The following DCDC1 variants were observed in gnomAD, a reference collection of about 807,000 sequenced individuals.
DCDC1 encodes doublecortin domain containing 1.
Under a neutral mutation model 178.3 loss-of-function variants are expected in DCDC1, and 200 were observed. The observed-to-expected ratio is 1.12, with a 90% CI of 1.00 to 1.26. The LOEUF (loss-of-function observed/expected upper bound fraction) is 1.26. Among genes scored for constraint, DCDC1 ranks in the 50% most tolerant of loss-of-function variants. The pLI, the probability that DCDC1 is intolerant of heterozygous loss-of-function variation, is 0.00. For missense variants in DCDC1, 1,983 were observed against 1,749.2 expected (o/e 1.13, Z -2.38); for synonymous variants, 690 against 604.8 (o/e 1.14, Z -2.07).
At chr11:31,173,030 A>G (rs1390332111) in intron 9 of DCDC1, among the ~76,000 whole-genome samples, 3 of 152,242 alleles carry the variant, frequency 2.0e-5, no homozygotes, top group East Asian at 1.9e-4. Context: ...GAAGGAATCA[A>G]TACAACTACT....
intron 18 of DCDC1, 77 bp downstream of exon 18, chr11:31,077,788 C>T: frequency 1.4e-6 from 1 of 714,176 alleles, no homozygotes; most frequent in Non-Finnish European, 2.5e-6. Flanking sequence ...TTGCTCTAAA[C>T]AATAGATAGT....
At chr11:31,353,020 AGTGTGC>A (rs1184945536) in intron 1 of DCDC1, among the ~76,000 whole-genome samples, 3 of 152,220 alleles carry the variant, frequency 2.0e-5, no homozygotes, top group Non-Finnish European at 4.4e-5. Flanking sequence ...CACATATACA[AGTGTGC>A]ACAAACACAC....
chr11:30,866,077 C>T (rs914849966), intron 38 of DCDC1, among the ~76,000 whole-genome samples: 1 of 152,096 alleles, frequency 6.6e-6, no homozygotes, highest in African/African-American at 2.4e-5. Flanking sequence ...GGCCCCTAAT[C>T]CAGTATCACT....
chr11:31,300,474 A>C (rs2137529363), intron 6 of DCDC1, among the ~76,000 whole-genome samples: 1 of 152,272 alleles, frequency 6.6e-6, no homozygotes, highest in Non-Finnish European at 1.5e-5. Context: ...ATAGGCATTT[A>C]AAGTATTACT....
intron 9 of DCDC1, among the ~76,000 whole-genome samples, chr11:31,235,922 C>A (rs960668532): frequency 1.3e-5 from 2 of 151,822 alleles, no homozygotes; most frequent in Admixed American, 6.6e-5. Context: ...AACTGAATTA[C>A]CATGTAAAAA....
At chr11:31,041,567 A>G (rs1954451146) in intron 20 of DCDC1, among the ~76,000 whole-genome samples, 1 of 152,230 alleles carries the variant, frequency 6.6e-6, no homozygotes, top group African/African-American at 2.4e-5. Context: ...TCATACAGCT[A>G]GTAAGAATTC....
At chr11:31,213,573 A>T (rs1388687866) in intron 9 of DCDC1, among the ~76,000 whole-genome samples, 2 of 151,908 alleles carry the variant, frequency 1.3e-5, no homozygotes, top group African/African-American at 4.8e-5. Context: ...TACAAAAATT[A>T]GCCAGGCGTG....
chr11:31,095,015 C>A (rs866724496), intron 15 of DCDC1, among the ~76,000 whole-genome samples: 2 of 152,070 alleles, frequency 1.3e-5, no homozygotes, highest in African/African-American at 4.8e-5. Flanking sequence ...CATTGTTCAA[C>A]TCCCACTTAT....
chr11:31,035,579 G>A (rs116387269), intron 20 of DCDC1, among the ~76,000 whole-genome samples: 2 of 152,298 alleles, frequency 1.3e-5, no homozygotes, highest in African/African-American at 2.4e-5. Flanking sequence ...TCATCCCATC[G>A]TCTCAGAAGG....
intron 8 of DCDC1, among the ~76,000 whole-genome samples, chr11:31,244,993 T>G (rs948637434): frequency 6.6e-6 from 1 of 151,812 alleles, no homozygotes; most frequent in African/African-American, 2.4e-5. Flanking sequence ...CTAGTAGCTA[T>G]ATTCATTTCA....
chr11:31,036,181 T>C (rs1286648176), intron 20 of DCDC1, among the ~76,000 whole-genome samples: 1 of 152,220 alleles, frequency 6.6e-6, no homozygotes, highest in African/African-American at 2.4e-5. Context: ...CTTGTATCTT[T>C]CCACACCTAG....
rs529947305 is a variant in DCDC1, at chr11:31,280,734, C to T, written c.960+9913G>A. On this transcript the variant is annotated intron_variant, in intron 7 of 38. Transcript: ENST00000684477. The stretch of plus-strand genomic sequence containing the variant: ...GCCCTTTCTGCCTTCTTCTTAATGC[C>T]GGCAAAGATCATTTTTATTCTAGGG... 35 of 587,102 alleles carry T rather than the reference C, an allele frequency of 6.0e-5. 1 individual carries two copies. The highest frequency in any genetic ancestry group is 5.0e-4 in the Middle Eastern group (1 of 2,014). The allele number at this position is 587,102 out of a possible 1,614,324, so 36.4% of individuals were successfully genotyped here.
chr11:31,306,468 T>A, intron 4 of DCDC1, 80 bp from the exon 5 acceptor site: 4 of 1,399,414 alleles, frequency 2.9e-6, no homozygotes, highest in African/African-American at 2.9e-5. Context: ...TGGATTTTTT[T>A]AAACAGATAT....
chr11:31,126,955 C>T (rs919891922), intron 11 of DCDC1, among the ~76,000 whole-genome samples: 1 of 152,122 alleles, frequency 6.6e-6, no homozygotes, highest in African/African-American at 2.4e-5. Flanking sequence ...CCTTTTTTCC[C>T]AGTATATTCT....
chr11:31,080,199 T>C (rs1331566698), intron 17 of DCDC1, among the ~76,000 whole-genome samples: 2 of 152,150 alleles, frequency 1.3e-5, no homozygotes, highest in Non-Finnish European at 1.5e-5. Context: ...ATAATAATGA[T>C]TATCCAAGAA....
At chr11:30,943,441 C>T in intron 21 of DCDC1, 1 of 301,744 alleles carries the variant, frequency 3.3e-6, no homozygotes, top group Non-Finnish European at 6.6e-6. Flanking sequence ...TTCTGTCTGG[C>T]ATGGCCCGTC....
intron 9 of DCDC1, among the ~76,000 whole-genome samples, chr11:31,150,359 T>C (rs1356490994): frequency 6.6e-6 from 1 of 152,116 alleles, no homozygotes; most frequent in Non-Finnish European, 1.5e-5. Flanking sequence ...AATAATGCCA[T>C]GAAATATTTA....
At chr11:31,330,004 A>G (rs1019990870) in intron 2 of DCDC1, among the ~76,000 whole-genome samples, 8 of 152,118 alleles carry the variant, frequency 5.3e-5, no homozygotes, top group African/African-American at 2.4e-5. Context: ...GAACTAGTTT[A>G]CACTCCCACC....
At chr11:30,939,256 G>A (rs1023894286) in intron 21 of DCDC1, among the ~76,000 whole-genome samples, 1 of 152,128 alleles carries the variant, frequency 6.6e-6, no homozygotes, top group Non-Finnish European at 1.5e-5. Context: ...GTGGGGAGCT[G>A]GGACACCCAG....
Sources: gnomAD v4.1 joint callset for allele counts (sites outside exome capture counted in the v4.1 genomes callset) on GRCh38, gnomAD v4.1.1 for gene constraint, MANE v1.5 for transcripts, NCBI Gene and HGNC (gene_info 2026-07-23, HGNC 2026-07-21) for gene names.